RSRC1: variants seen among roughly 807,000 people sequenced by gnomAD.
The protein encoded by RSRC1 is serine/Arginine-related protein 53.
RSRC1 carries 39 observed loss-of-function variants against 49.1 expected under a neutral mutation model. The ratio of observed to expected loss-of-function variants is 0.79; its 90% CI spans 0.61 to 1.04. The LOEUF is 1.04. Among genes scored for constraint, RSRC1 ranks in the 50% least tolerant of loss-of-function variants. The probability of loss-of-function intolerance (pLI) is 0.00; values close to 1 mark genes in which losing one functional copy is unlikely to be tolerated. For synonymous variants in RSRC1, 143 were observed against 130.8 expected (o/e 1.09, Z -0.63); for missense variants, 388 against 402.4 (o/e 0.96, Z 0.31).
At chr3:158,211,931 C>T (rs981354729) in intron 4 of RSRC1, among the ~76,000 whole-genome samples, 1 of 151,750 alleles carries the variant, frequency 6.6e-6, no homozygotes, top group African/African-American at 2.4e-5. Context: ...AAAGGTTGTT[C>T]CTTCAGTCTG....
rs766825357 is a variant in RSRC1, at chr3:158,141,751, C to G, written c.320+17760C>G. Among the ~76,000 whole-genome samples, 117 of 152,114 alleles carry G rather than the reference C, an allele frequency of 7.7e-4. 1 individual carries two copies. Among genetic ancestry groups the G allele is most frequent in the Admixed American group, 3.4e-3 (52 of 15,262 alleles). Reference sequence around the variant, plus strand: ...TAGGGAATATAAAGCATTTGTGAACCATTATAGATTGTTTTGCAATCTCAT... The same window carrying G: ...TAGGGAATATAAAGCATTTGTGAACGATTATAGATTGTTTTGCAATCTCAT... On this transcript the variant is annotated intron_variant, in intron 3 of 9. Coordinates refer to ENST00000611884, the MANE Select transcript of RSRC1 (RefSeq NM_001271838.2).
chr3:158,249,751 T>C, intron 4 of RSRC1, among the ~76,000 whole-genome samples: 1 of 152,182 alleles, frequency 6.6e-6, no homozygotes, highest in East Asian at 1.9e-4. Flanking sequence ...TGATATAGTA[T>C]ATAAAGCGTA....
At chr3:158,331,633 T>G (rs1729551446) in intron 5 of RSRC1, among the ~76,000 whole-genome samples, 7 of 152,156 alleles carry the variant, frequency 4.6e-5, no homozygotes, top group Admixed American at 4.6e-4. Context: ...CCAAATGAAC[T>G]TGCCACTTTT....
At position 158,155,435 on chromosome 3, in the gene RSRC1, T is replaced by C. The variant is rs116037603; in HGVS notation, c.320+31444T>C. Reference sequence around the variant, plus strand: ...GATACATTGTCAGTGAACTATATTTTATTTTATTTTATATTTTTAGACAGG... The same window carrying C: ...GATACATTGTCAGTGAACTATATTTCATTTTATTTTATATTTTTAGACAGG... On this transcript the variant is annotated intron_variant, in intron 3 of 9. Transcript: ENST00000611884. 3.1e-3 allele frequency among the ~76,000 whole-genome samples: 467 copies of C among 152,038 alleles called. 2 individuals are homozygous for C. The highest frequency in any genetic ancestry group is 4.8e-3 in the Non-Finnish European group (326 of 67,974).
At chr3:158,118,469 G>A (rs1015790889) in intron 1 of RSRC1, among the ~76,000 whole-genome samples, 2 of 149,118 alleles carry the variant, frequency 1.3e-5, no homozygotes, top group South Asian at 2.1e-4. Flanking sequence ...GTGTGCGCGT[G>A]CGCGTGGTTT....
chr3:158,334,885 T>G (rs891752638), intron 5 of RSRC1, among the ~76,000 whole-genome samples: 4 of 152,172 alleles, frequency 2.6e-5, no homozygotes, highest in African/African-American at 9.7e-5. Flanking sequence ...AAATACATTG[T>G]GATTTGGTCT....
At chr3:158,196,411 G>A (rs1447676872) in intron 3 of RSRC1, among the ~76,000 whole-genome samples, 2 of 152,152 alleles carry the variant, frequency 1.3e-5, no homozygotes, top group East Asian at 3.9e-4. Context: ...CTGAGACAGT[G>A]GGATTTTCTA....
chr3:158,365,530 CT>C (rs1731714910), intron 6 of RSRC1, among the ~76,000 whole-genome samples: 1 of 152,192 alleles, frequency 6.6e-6, no homozygotes, highest in Admixed American at 6.5e-5. Flanking sequence ...GCCACATTTT[CT>C]TTATCCAGTC....
chr3:158,330,857 A>G (rs1404190932), intron 5 of RSRC1, among the ~76,000 whole-genome samples: 1 of 151,140 alleles, frequency 6.6e-6, no homozygotes, highest in East Asian at 2.0e-4. Flanking sequence ...CATGCTGCTA[A>G]TAAAGACCTA....
chr3:158,487,961 A>G (rs1381400833), intron 7 of RSRC1, among the ~76,000 whole-genome samples: 2 of 147,610 alleles, frequency 1.4e-5, no homozygotes, highest in African/African-American at 5.0e-5. Context: ...AAAAAAAAAA[A>G]AAAAAAAAAA....
chr3:158,487,949 G>GGAAAAAAAAAAAAAAAAAAAAAAAAAA lies in RSRC1; in HGVS notation c.652+26946_652+26947insGAAAAAAAAAAAAAAAAAAAAAAAAAA, dbSNP rs1553814781. Among the ~76,000 whole-genome samples the GGAAAAAAAAAAAAAAAAAAAAAAAAAA allele has an allele frequency of 1.7e-4, 5 of 28,922 alleles. 1 individual carries two copies. The highest frequency in any genetic ancestry group is 4.0e-4 in the African/African-American group (3 of 7,486). 19.0% of individuals were successfully genotyped at this position (28,922 alleles called of 152,430 possible). A position where few individuals can be genotyped will look rare whatever the true frequency, so the allele number is the denominator to read the frequency against. On this transcript the variant is annotated intron_variant, in intron 7 of 9. Transcript: ENST00000611884. Reference sequence around the variant, plus strand: ...TAGGAGACAAGAGACTCCATCTCAAGAAAAAAAAAAAAAAAAAAAAAAAAA... The same window carrying GGAAAAAAAAAAAAAAAAAAAAAAAAAA: ...TAGGAGACAAGAGACTCCATCTCAAGGAAAAAAAAAAAAAAAAAAAAAAAAAAAAAAAAAAAAAAAAAAAAAAAAAAA...
intron 6 of RSRC1, among the ~76,000 whole-genome samples, chr3:158,379,814 G>GCACACCCACACA (rs1732601394): frequency 6.8e-6 from 1 of 146,928 alleles, no homozygotes; most frequent in Non-Finnish European, 1.5e-5. Context: ...ACACGCGCAT[G>GCACACCCACACA]CACACACACA....
intron 6 of RSRC1, among the ~76,000 whole-genome samples, chr3:158,406,210 T>C (rs1168839251): frequency 6.6e-6 from 1 of 152,120 alleles, no homozygotes; most frequent in East Asian, 1.9e-4. Context: ...ATAAAATTAT[T>C]TTCTTAAAAT....
intron 4 of RSRC1, among the ~76,000 whole-genome samples, chr3:158,253,852 G>A (rs1411573368): frequency 1.3e-5 from 2 of 151,978 alleles, no homozygotes; most frequent in Non-Finnish European, 2.9e-5. Context: ...TGTCATGTTG[G>A]TTTACTGCAC....
rs35307733 is a variant in RSRC1, at chr3:158,386,874, G to T, written c.583+31966G>T. Among the ~76,000 whole-genome samples the T allele has an allele frequency of 4.3e-4, 64 of 150,058 alleles. 1 individual carries two copies. Among genetic ancestry groups the T allele is most frequent in the Admixed American group, 1.0e-3 (15 of 15,054 alleles). ...TATTACGTATTATTGCAAAATCATC[G>T]AAAAGAATGGCTTTATTGCCCATGG... On this transcript the variant is annotated intron_variant, in intron 6 of 9. Coordinates refer to ENST00000611884, the MANE Select transcript of RSRC1 (RefSeq NM_001271838.2).
intron 6 of RSRC1, among the ~76,000 whole-genome samples, chr3:158,445,565 A>G (rs145270141): frequency 0.062 from 9,502 of 152,068 alleles, 339 homozygotes; most frequent in South Asian, 0.13. Flanking sequence ...ATGACGAGTT[A>G]ATGGGTGCGG....
intron 7 of RSRC1, among the ~76,000 whole-genome samples, chr3:158,517,329 A>G (rs530888368): frequency 9.9e-5 from 15 of 152,146 alleles, no homozygotes; most frequent in Non-Finnish European, 1.6e-4. Context: ...TCCACTTGTT[A>G]TATCATTTCT....
At chr3:158,363,000 A>G (rs1368259711) in intron 6 of RSRC1, among the ~76,000 whole-genome samples, 1 of 152,204 alleles carries the variant, frequency 6.6e-6, no homozygotes, top group Admixed American at 6.5e-5. Context: ...CTTTTTGTAC[A>G]TATGTGGTAA....
At chr3:158,402,998 T>G (rs763653548) in intron 6 of RSRC1, among the ~76,000 whole-genome samples, 32 of 151,852 alleles carry the variant, frequency 2.1e-4, no homozygotes, top group Admixed American at 4.6e-4. Flanking sequence ...AAACCTAAAG[T>G]ATCATATTCA....
Sources: allele counts gnomAD v4.1 joint callset (sites outside exome capture counted in the v4.1 genomes callset), GRCh38; gene constraint gnomAD v4.1.1; transcripts MANE v1.5; gene names NCBI Gene and HGNC (gene_info 2026-07-23, HGNC 2026-07-21).